Variants in STKLD1 observed in about 807,000 individuals in gnomAD.
STKLD1 encodes serine/threonine kinase-like domain-containing protein STKLD1.
Under a neutral mutation model 80.4 loss-of-function variants are expected in STKLD1, and 79 were observed. That is an observed-to-expected ratio of 0.98 (90% CI 0.82 to 1.19). The LOEUF is 1.19. STKLD1 is among the 50% of genes most tolerant of loss of function. The probability of loss-of-function intolerance (pLI) is 0.00; values close to 1 mark genes in which losing one functional copy is unlikely to be tolerated. For synonymous variants in STKLD1, 393 were observed against 357.6 expected (o/e 1.10, Z -1.12); for missense variants, 841 against 856.0 (o/e 0.98, Z 0.22).
intron 12 of STKLD1, 39 bp downstream of exon 12, chr9:133,400,568 G>A (rs1838677200): frequency 2.0e-6 from 3 of 1,518,560 alleles, no homozygotes; most frequent in Non-Finnish European, 2.7e-6. Context: ...CGGGGAGGCT[G>A]TGCGCTGCTT....
chr9:133,399,080 C>T (rs1838631338), intron 11 of STKLD1, among the ~76,000 whole-genome samples: 1 of 152,216 alleles, frequency 6.6e-6, no homozygotes, highest in Non-Finnish European at 1.5e-5. Flanking sequence ...TCTCAAACGC[C>T]TGATCTCAAG....
At position 133,394,684 on chromosome 9, in the gene STKLD1, G is replaced by T; in HGVS notation, c.702+275G>T. The T allele has an allele frequency of 2.3e-6, 1 of 439,864 alleles. No individual in the cohort carries two copies. Among genetic ancestry groups the T allele is most frequent in the East Asian group, 3.9e-5 (1 of 25,512 alleles). 27.2% of individuals were successfully genotyped at this position (439,864 alleles called of 1,614,324 possible). A position where few individuals can be genotyped will look rare whatever the true frequency, so the allele number is the denominator to read the frequency against. ...CAGCAGCCCTCCAGGTGGTGTCACT[G>T]ACTCTTGATGGAGAAAAGCCAAGTT... On this transcript the variant is annotated intron_variant, in intron 8 of 17. Transcript: ENST00000371957. The surrounding 1 kb of genome is among the most constrained non-coding windows in gnomAD (Gnocchi z 4.9).
intron 7 of STKLD1, among the ~76,000 whole-genome samples, chr9:133,393,070 G>C (rs1333975931): frequency 5.0e-5 from 6 of 120,612 alleles, no homozygotes; most frequent in Middle Eastern, 4.0e-3. Flanking sequence ...TGGGTGGGTG[G>C]GTAGATGGGT....
At position 133,404,836 on chromosome 9, in the gene STKLD1, C is replaced by T. The variant is rs782365487; in HGVS notation, c.1780C>T (p.Leu594Phe). The T allele has an allele frequency of 6.2e-6, 10 of 1,613,208 alleles. No individual in the cohort carries two copies. Among genetic ancestry groups the T allele is most frequent in the Admixed American group, 1.7e-5 (1 of 59,908 alleles). ...GGTGCAGGAGGAGGGCGGCAGTGGC[C>T]TCAGCCTCATCAAGGAGACCTACCA... ...VVVQEEGGSG[L>F]SLIKETYQLH... The change falls in exon 17 of 18, where the codon CTC (leucine) becomes TTC (phenylalanine). Residue 594 changes from leucine to phenylalanine, a missense_variant. Coordinates refer to ENST00000371957, the MANE Select transcript of STKLD1 (RefSeq NM_153710.5).
Position 133,389,832 on chromosome 9 carries a change from G to A in STKLD1, c.467+236G>A, listed in dbSNP as rs1048412777. On this transcript the variant is annotated intron_variant, in intron 6 of 17. Coordinates refer to ENST00000371957, the MANE Select transcript of STKLD1 (RefSeq NM_153710.5). This position sits in a 1 kb window ranked among gnomAD's most constrained non-coding sequence, Gnocchi z 6.4. ...TGCATGGGGTGTGCGCTAGCCAGGC[G>A]GGCTGCTCTAGAGTTCGTGGAAAGG... 3.3e-5 allele frequency among the ~76,000 whole-genome samples: 5 copies of A among 152,162 alleles called. No individual in the cohort carries two copies. In the South Asian group the frequency reaches 6.2e-4, roughly 19 times the overall value.
chr9:133,403,567 G>A (rs1838763652), intron 14 of STKLD1, 133 bp from the exon 15 acceptor site: 2 of 1,161,984 alleles, frequency 1.7e-6, no homozygotes, highest in Non-Finnish European at 2.4e-6. Context: ...CCGTCTCTGA[G>A]GACAGTTGAC....
intron 2 of STKLD1, among the ~76,000 whole-genome samples, chr9:133,383,323 ATGG>A (rs1357768822): frequency 4.5e-3 from 11 of 2,462 alleles, no homozygotes; most frequent in Non-Finnish European, 8.0e-3. Flanking sequence ...TGGTGTGATG[ATGG>A]TGGTGATGGT....
chr9:133,379,084 G>A lies in STKLD1; in HGVS notation c.136G>A (p.Glu46Lys). The A allele has an allele frequency of 1.2e-6, 2 of 1,614,052 alleles. No individual in the cohort carries two copies. Among genetic ancestry groups the A allele is most frequent in the Non-Finnish European group, 1.7e-6 (2 of 1,179,948 alleles). Reference sequence around the variant, plus strand: ...GGCCTTGGGGGTGAACCTGGTGGTGGAGGAAATGGAAACCAAAGTCAAGCA... The same window carrying A: ...GGCCTTGGGGGTGAACCTGGTGGTGAAGGAAATGGAAACCAAAGTCAAGCA... ...PGALGVNLVV[E>K]EMETKVKHVI... The change falls in exon 2 of 18, where the codon GAG (glutamate) becomes AAG (lysine). Residue 46 changes from glutamate to lysine, a missense_variant. Glu to Lys is a moderately conservative substitution (Grantham distance 56). Transcript: ENST00000371957.
At chr9:133,402,742 T>C (rs1838740667) in intron 13 of STKLD1, 136 bp from the exon 14 acceptor site, 3 of 935,526 alleles carry the variant, frequency 3.2e-6, no homozygotes, top group Non-Finnish European at 4.7e-6. Flanking sequence ...AGGGCTCCAT[T>C]GAGTGCACAC....
At chr9:133,404,452 A>C (rs76238963) in intron 16 of STKLD1, among the ~76,000 whole-genome samples, 13,785 of 152,232 alleles carry the variant, frequency 0.091, 711 homozygotes, top group Middle Eastern at 0.16. Context: ...CTCGGCCCAC[A>C]GCACAGTCCT....
rs78735634 is a variant in STKLD1 at position 133,405,455 on chromosome 9, G to A, written c.*34G>A. The A allele has an allele frequency of 1.7e-4, 260 of 1,560,480 alleles. No homozygotes were observed. The African/African-American group carries it at 3.2e-3, about 19-fold the overall frequency. Reference sequence around the variant, plus strand: ...ATGGAACTGACCTTGATCTCCACGTGTATAGTTTTCAAGACTGCTCTCCTG... The same window carrying A: ...ATGGAACTGACCTTGATCTCCACGTATATAGTTTTCAAGACTGCTCTCCTG... On this transcript the variant is annotated 3_prime_UTR_variant, in exon 18 of 18. Transcript: ENST00000371957.
At chr9:133,378,455 A>G (rs2130257751) in intron 1 of STKLD1, among the ~76,000 whole-genome samples, 88 of 152,242 alleles carry the variant, frequency 5.8e-4, no homozygotes, top group Non-Finnish European at 1.1e-3. Flanking sequence ...CTCTAAGATC[A>G]GACCCCCAGA....
Position 133,394,702 on chromosome 9 carries a change from G to T in STKLD1, c.702+293G>T. 4 of 406,696 alleles carry T rather than the reference G, an allele frequency of 9.8e-6. No homozygotes were observed. Among genetic ancestry groups the T allele is most frequent in the Non-Finnish European group, 1.8e-5 (4 of 219,948 alleles). 25.2% of individuals were successfully genotyped at this position (406,696 alleles called of 1,614,324 possible). On this transcript the variant is annotated intron_variant, in intron 8 of 17. Transcript: ENST00000371957. The surrounding 1 kb of genome is among the most constrained non-coding windows in gnomAD (Gnocchi z 4.9). ...TGTCACTGACTCTTGATGGAGAAAA[G>T]CCAAGTTCAGGTGCCCTTGTGAGCA...
chr9:133,405,218 C>T (rs28641858), intron 17 of STKLD1, 34 bp from the exon 18 acceptor site: 131,180 of 1,566,640 alleles, frequency 0.084, 6,302 homozygotes, highest in African/African-American at 0.18. Flanking sequence ...ACAGGAAGGA[C>T]TCTGGCCTCA....
At chr9:133,388,379 C>T (rs1207491594) in intron 5 of STKLD1, among the ~76,000 whole-genome samples, 1 of 152,140 alleles carries the variant, frequency 6.6e-6, no homozygotes, top group Non-Finnish European at 1.5e-5. Context: ...TCCCAAGTAG[C>T]TGGGACTACA....
At position 133,389,700 on chromosome 9, in the gene STKLD1, G is replaced by A; in HGVS notation, c.467+104G>A. ...CCCGTGGGCAGGATCTGGGGAGAAA[G>A]GTGCACCGGGCCAGTGCAGCCAGGA... On this transcript the variant is annotated intron_variant, in intron 6 of 17. Transcript: ENST00000371957. This position sits in a 1 kb window ranked among gnomAD's most constrained non-coding sequence, Gnocchi z 6.4. 1 of 1,538,610 alleles carries A rather than the reference G, an allele frequency of 6.5e-7. No individual in the cohort carries two copies. Among genetic ancestry groups the A allele is most frequent in the South Asian group, 1.2e-5 (1 of 83,024 alleles).
Position 133,395,777 on chromosome 9 carries a change from CG to C in STKLD1, c.866+18del. The stretch of plus-strand genomic sequence containing the variant: ...AATAACGATAAAGTGAGCTCAGGGT[CG>C]GGGTTTATTTTAACCTGTGGATTTA... On this transcript the variant is annotated intron_variant, in intron 9 of 17. Coordinates refer to ENST00000371957, the MANE Select transcript of STKLD1 (RefSeq NM_153710.5). 1 of 1,611,958 alleles carries C rather than the reference CG, an allele frequency of 6.2e-7. No individual in the cohort carries two copies.
chr9:133,401,615 G>T (rs1838708399), intron 12 of STKLD1, 123 bp from the exon 13 acceptor site: 6 of 1,263,510 alleles, frequency 4.7e-6, no homozygotes, highest in Non-Finnish European at 6.4e-6. Context: ...GTCAGAACAA[G>T]GCAGACCTCG....
intron 4 of STKLD1, among the ~76,000 whole-genome samples, chr9:133,386,889 C>T (rs925014512): frequency 6.6e-6 from 1 of 152,236 alleles, no homozygotes; most frequent in Admixed American, 6.5e-5. Flanking sequence ...GCAGGAAAGG[C>T]CCCTCACACG....
Sources: gnomAD v4.1 joint callset for allele counts (sites outside exome capture counted in the v4.1 genomes callset) on GRCh38, gnomAD v4.1.1 for gene constraint, Gnocchi (gnomAD v3.1) non-coding constraint, MANE v1.5 for transcripts, NCBI Gene and HGNC (gene_info 2026-07-23, HGNC 2026-07-21) for gene names.